SLC27A1: variants seen among roughly 807,000 people sequenced by gnomAD.
SLC27A1 encodes long-chain fatty acid transport protein 1.
A neutral mutation model predicts 62.2 loss-of-function variants in SLC27A1; 61 were observed. The ratio of observed to expected loss-of-function variants is 0.98; its 90% CI spans 0.80 to 1.21. SLC27A1 has a LOEUF of 1.21. SLC27A1 is among the 50% of genes most tolerant of loss of function. The pLI is 0.00. For missense variants in SLC27A1, 903 were observed against 932.1 expected, an observed-to-expected ratio of 0.97 and a Z score of 0.41; for synonymous variants, 435 against 408.6, an observed-to-expected ratio of 1.06 and a Z score of -0.78.
intron 4 of SLC27A1, 47 bp from the exon 5 acceptor site, chr19:17,488,801 G>T (rs2075263907): frequency 1.9e-6 from 3 of 1,557,084 alleles, no homozygotes; most frequent in African/African-American, 1.4e-5. Flanking sequence ...TACCCTGGGG[G>T]ATTTAGGTCC....
intron 1 of SLC27A1, among the ~76,000 whole-genome samples, chr19:17,481,086 C>T (rs927780799): frequency 4.0e-5 from 6 of 151,426 alleles, no homozygotes; most frequent in South Asian, 2.1e-4. Context: ...CCACCACGCC[C>T]GGCCAATTTT....
chr19:17,505,203 C>T lies in SLC27A1; in HGVS notation c.*591C>T, dbSNP rs2075465774. 1 of 296,392 alleles carries T rather than the reference C, an allele frequency of 3.4e-6. No individual in the cohort carries two copies. The highest frequency in any genetic ancestry group is 2.2e-5 in the African/African-American group (1 of 45,122). The allele number at this position is 296,392 out of a possible 1,614,324, so 18.4% of individuals were successfully genotyped here. ...GCCTCTGGCCCGGCCTTTCCTTTTT[C>T]CTCTCCTCTCCTGCCGAGAGTGGAA... On this transcript the variant is annotated 3_prime_UTR_variant, in exon 12 of 12. Coordinates refer to ENST00000252595, the MANE Select transcript of SLC27A1 (RefSeq NM_198580.3).
intron 1 of SLC27A1, among the ~76,000 whole-genome samples, chr19:17,481,747 C>G (rs2075180748): frequency 1.3e-5 from 2 of 152,182 alleles, no homozygotes; most frequent in Admixed American, 1.3e-4. Context: ...AAGCAATCCT[C>G]CCACCTCAGC....
intron 1 of SLC27A1, among the ~76,000 whole-genome samples, chr19:17,479,096 C>CTA (rs1382592481): frequency 6.6e-6 from 1 of 151,910 alleles, no homozygotes; most frequent in Non-Finnish European, 1.5e-5. Flanking sequence ...GACCCTGTCT[C>CTA]TAAACAATAA....
chr19:17,504,251 G>A (rs947402098), intron 11 of SLC27A1, among the ~76,000 whole-genome samples: 3 of 152,168 alleles, frequency 2.0e-5, no homozygotes, highest in African/African-American at 7.2e-5. Flanking sequence ...CTGGTGAGGA[G>A]TGGTTAGGGA....
chr19:17,477,722 T>G (rs1457569619), intron 1 of SLC27A1, among the ~76,000 whole-genome samples: 1 of 150,740 alleles, frequency 6.6e-6, no homozygotes, highest in East Asian at 2.0e-4. Flanking sequence ...CCGGCTAATT[T>G]TTTTGTATTT....
At chr19:17,492,542 G>A (rs1331480507) in intron 6 of SLC27A1, among the ~76,000 whole-genome samples, 1 of 151,288 alleles carries the variant, frequency 6.6e-6, no homozygotes, top group African/African-American at 2.4e-5. Context: ...TGTGAACCCA[G>A]GAGGTGGAGG....
chr19:17,476,610 C>T (rs1275775450), intron 1 of SLC27A1, among the ~76,000 whole-genome samples: 1 of 151,496 alleles, frequency 6.6e-6, no homozygotes, highest in Non-Finnish European at 1.5e-5. Flanking sequence ...GGGCACTTGG[C>T]CTGCCACTGG....
rs919226689 is a variant in SLC27A1 at position 17,487,224 on chromosome 19, T to C, written c.613T>C (p.Ser205Pro). ...GGGGAAAAGTTTGATCAAGTTCTGC[T>C]CTGGAGACTTGGGGCCCGAGGGCAT... ...HLGKSLIKFC[S>P]GDLGPEGILP... The change falls in exon 3 of 12, where the codon TCT becomes CCT. Residue 205 changes from serine (S) to proline (P), a missense_variant. Coordinates refer to ENST00000252595, the MANE Select transcript of SLC27A1 (RefSeq NM_198580.3). The C allele has an allele frequency of 5.0e-6, 8 of 1,614,052 alleles. No individual in the cohort carries two copies. The highest frequency in any genetic ancestry group is 5.1e-6 in the Non-Finnish European group (6 of 1,179,978).
At chr19:17,489,211 G>T in intron 6 of SLC27A1, 94 bp downstream of exon 6, 1 of 1,013,918 alleles carries the variant, frequency 9.9e-7, no homozygotes, top group Non-Finnish European at 1.5e-6. Flanking sequence ...GTGAGGCCCC[G>T]TACCTCCCAG....
At chr19:17,493,141 A>G (rs1449891004) in intron 6 of SLC27A1, among the ~76,000 whole-genome samples, 5 of 149,948 alleles carry the variant, frequency 3.3e-5, no homozygotes, top group African/African-American at 1.2e-4. Flanking sequence ...AAAAAGAAAA[A>G]TAGAGGACAG....
At position 17,504,467 on chromosome 19, in the gene SLC27A1, T is replaced by C; in HGVS notation, c.1796T>C (p.Ile599Thr). 2 of 1,614,058 alleles carry C rather than the reference T, an allele frequency of 1.2e-6. No homozygotes were observed. The highest frequency in any genetic ancestry group is 1.7e-6 in the Non-Finnish European group (2 of 1,180,006). Reference protein sequence around the residue: ...PQVDTTGTFKIQKTRLQREGF... With the variant: ...PQVDTTGTFKTQKTRLQREGF... Reference sequence around the variant, plus strand: ...ATCCCCACTATAGGCACCTTCAAGATCCAGAAGACGAGGCTGCAGCGAGAG... The same window carrying C: ...ATCCCCACTATAGGCACCTTCAAGACCCAGAAGACGAGGCTGCAGCGAGAG... The change falls in exon 12 of 12, where the codon ATC becomes ACC. Residue 599 changes from isoleucine to threonine, a missense_variant. By Grantham distance (89) the Ile-to-Thr change is moderately conservative. Coordinates refer to ENST00000252595, the MANE Select transcript of SLC27A1 (RefSeq NM_198580.3).
chr19:17,501,231 G>A (rs780408983), intron 10 of SLC27A1, 42 bp from the exon 11 acceptor site: 2 of 1,604,286 alleles, frequency 1.2e-6, no homozygotes, highest in Admixed American at 1.7e-5. Flanking sequence ...CTGGTGGGGA[G>A]GATGAGAGGC....
At chr19:17,502,337 T>TTTTTTTG (rs201234453) in intron 11 of SLC27A1, among the ~76,000 whole-genome samples, 2 of 57,750 alleles carry the variant, frequency 3.5e-5, no homozygotes, top group African/African-American at 1.2e-4. Context: ...GAAATAGTGT[T>TTTTTTTG]TTTTTTGTTT....
At chr19:17,469,485 A>G (rs73923970), upstream of SLC27A1, among the ~76,000 whole-genome samples, 2 of 152,016 alleles carry the variant, frequency 1.3e-5, no homozygotes. Flanking sequence ...CTTGCGAGCC[A>G]CGCCCCAAGG....
At chr19:17,478,950 T>A (rs2075149997) in intron 1 of SLC27A1, among the ~76,000 whole-genome samples, 1 of 151,694 alleles carries the variant, frequency 6.6e-6, no homozygotes, top group African/African-American at 2.4e-5. Flanking sequence ...TTTTCACCTC[T>A]CCACATGTGT....
chr19:17,500,829 G>A lies in SLC27A1; in HGVS notation c.1589G>A (p.Arg530His), dbSNP rs200816692. 1.3e-4 allele frequency: 203 copies of A among 1,610,584 alleles called. No homozygotes were observed. Among genetic ancestry groups the A allele is most frequent in the Admixed American group, 4.4e-4 (26 of 58,678 alleles). Residue 530 changes from arginine (R) to histidine (H), a missense_variant, in exon 10 of 12, where the codon CGC (arginine) becomes CAC (histidine). Transcript: ENST00000252595. Reference protein sequence around the residue: ...STTEVEGVLSRLLGQTDVAVY... With the variant: ...STTEVEGVLSHLLGQTDVAVY... Reference sequence around the variant, plus strand: ...ACCGAGGTGGAGGGCGTGCTGAGCCGCCTGCTGGGCCAGACAGACGTGGCC... The same window carrying A: ...ACCGAGGTGGAGGGCGTGCTGAGCCACCTGCTGGGCCAGACAGACGTGGCC...
At chr19:17,471,607 C>T (rs964080502) in intron 1 of SLC27A1, among the ~76,000 whole-genome samples, 1 of 152,030 alleles carries the variant, frequency 6.6e-6, no homozygotes, top group African/African-American at 2.4e-5. Context: ...AGGTGAGCGC[C>T]GGCTAGCGGG....
At chr19:17,475,625 C>T (rs919040539) in intron 1 of SLC27A1, among the ~76,000 whole-genome samples, 4 of 152,138 alleles carry the variant, frequency 2.6e-5, no homozygotes, top group Admixed American at 6.6e-5. Context: ...AACACACAGC[C>T]GGGGAGGCAC....
Sources: allele counts gnomAD v4.1 joint callset (sites outside exome capture counted in the v4.1 genomes callset), GRCh38; gene constraint gnomAD v4.1.1; transcripts MANE v1.5; gene names NCBI Gene and HGNC (gene_info 2026-07-23, HGNC 2026-07-21).